BCKDHB: variants seen among roughly 807,000 people sequenced by gnomAD.
BCKDHB encodes 2-oxoisovalerate dehydrogenase subunit beta, mitochondrial.
BCKDHB carries 41 observed loss-of-function variants against 48.5 expected under a neutral mutation model. The observed-to-expected ratio is 0.85, with a 90% CI of 0.66 to 1.10. BCKDHB has a LOEUF of 1.10. Ranked by LOEUF, BCKDHB falls within the 50% of genes least tolerant of loss-of-function variation. The probability of loss-of-function intolerance (pLI) is 0.00; values close to 1 mark genes in which losing one functional copy is unlikely to be tolerated. For synonymous variants in BCKDHB, 201 were observed against 174.8 expected (o/e 1.15, Z -1.18); for missense variants, 496 against 494.2 (o/e 1.00, Z -0.03).
the BCKDHB span, among the ~76,000 whole-genome samples, chr6:80,394,592 G>T: frequency 6.6e-6 from 1 of 152,058 alleles, no homozygotes; most frequent in East Asian, 1.9e-4. Context: ...AGACTGATTG[G>T]GAACTCTGTG....
the BCKDHB span, among the ~76,000 whole-genome samples, chr6:80,415,057 C>T: frequency 6.6e-6 from 1 of 152,020 alleles, no homozygotes; most frequent in East Asian, 1.9e-4. Flanking sequence ...TCTCATTTGG[C>T]TCTCAGTTTG....
chr6:80,185,441 C>G (rs957606423), intron 6 of BCKDHB, among the ~76,000 whole-genome samples: 2 of 151,688 alleles, frequency 1.3e-5, no homozygotes, highest in African/African-American at 4.8e-5. Context: ...TTTTTTTCTT[C>G]GTTTGAATCT....
chr6:80,196,836 G>A (rs1774151708), intron 6 of BCKDHB, among the ~76,000 whole-genome samples: 2 of 126,888 alleles, frequency 1.6e-5, no homozygotes, highest in African/African-American at 4.9e-5. Flanking sequence ...GCATGTACAC[G>A]GAAGTGTATA....
chr6:80,418,413 T>C, the BCKDHB span, among the ~76,000 whole-genome samples: 27 of 152,238 alleles, frequency 1.8e-4, no homozygotes, highest in Non-Finnish European at 1.5e-5. Context: ...CTCACCTTTG[T>C]GGGTTTATCT....
At chr6:80,322,756 T>A (rs1768801440) in intron 9 of BCKDHB, among the ~76,000 whole-genome samples, 1 of 152,184 alleles carries the variant, frequency 6.6e-6, no homozygotes, top group African/African-American at 2.4e-5. Context: ...TAAACATTTA[T>A]GGAGAATCCC....
At chr6:80,419,766 A>C in the BCKDHB span, among the ~76,000 whole-genome samples, 2 of 152,232 alleles carry the variant, frequency 1.3e-5, no homozygotes. Flanking sequence ...ACTGATGGCC[A>C]GGAATGAGTT....
intron 3 of BCKDHB, among the ~76,000 whole-genome samples, chr6:80,147,301 C>CT (rs1247343991): frequency 4.6e-5 from 7 of 152,102 alleles, no homozygotes; most frequent in Non-Finnish European, 7.4e-5. Flanking sequence ...TTTGAAGAAA[C>CT]TGATTGCTAA....
intron 8 of BCKDHB, among the ~76,000 whole-genome samples, chr6:80,246,210 A>G (rs1353626328): frequency 1.3e-5 from 2 of 152,222 alleles, no homozygotes; most frequent in African/African-American, 2.4e-5. Flanking sequence ...GTTAAGCAAT[A>G]AAGAGAAAAT....
At chr6:80,267,099 T>A (rs1414032161) in intron 8 of BCKDHB, among the ~76,000 whole-genome samples, 1 of 152,096 alleles carries the variant, frequency 6.6e-6, no homozygotes, top group East Asian at 1.9e-4. Context: ...ATTTGCTCAA[T>A]GTAATATCTA....
intron 1 of BCKDHB, among the ~76,000 whole-genome samples, chr6:80,117,651 T>C (rs1472390112): frequency 6.6e-6 from 1 of 152,228 alleles, no homozygotes; most frequent in Non-Finnish European, 1.5e-5. Flanking sequence ...AAAGGCATTC[T>C]TAAACCACAA....
At chr6:80,301,251 C>T (rs1010335615) in intron 9 of BCKDHB, among the ~76,000 whole-genome samples, 6 of 151,752 alleles carry the variant, frequency 4.0e-5, no homozygotes, top group South Asian at 2.1e-4. Flanking sequence ...ACCAAGAGGT[C>T]GTTCTTCAAA....
chr6:80,129,373 C>T, intron 3 of BCKDHB, 144 bp downstream of exon 3: 1 of 683,410 alleles, frequency 1.5e-6, no homozygotes, highest in South Asian at 1.8e-5. Flanking sequence ...CCCGCAGAAT[C>T]CTTTGGCCTA....
At chr6:80,405,457 A>T in the BCKDHB span, among the ~76,000 whole-genome samples, 1 of 152,072 alleles carries the variant, frequency 6.6e-6, no homozygotes, top group Non-Finnish European at 1.5e-5. Flanking sequence ...TGGGTTATAT[A>T]TGTTGGATCT....
intron 9 of BCKDHB, among the ~76,000 whole-genome samples, chr6:80,298,968 A>G (rs1223107817): frequency 1.3e-5 from 2 of 152,144 alleles, no homozygotes; most frequent in South Asian, 2.1e-4. Context: ...TCTGTCACCC[A>G]TAGCCGTCAA....
chr6:80,152,171 T>TTG (rs567375830), intron 3 of BCKDHB, among the ~76,000 whole-genome samples: 1 of 149,114 alleles, frequency 6.7e-6, no homozygotes, highest in East Asian at 2.0e-4. Flanking sequence ...TTTTTTTTTT[T>TTG]AATCTGTTTA....
chr6:80,154,424 G>C (rs527478665), intron 3 of BCKDHB, among the ~76,000 whole-genome samples: 1 of 152,078 alleles, frequency 6.6e-6, no homozygotes, highest in East Asian at 1.9e-4. Context: ...AGATTAGGAA[G>C]GTATATTTGA....
At position 80,344,924 on chromosome 6, in the gene BCKDHB, T is replaced by A. The variant is rs969071065; in HGVS notation, c.*1120T>A. 15 of 152,234 alleles carry A rather than the reference T, an allele frequency of 9.9e-5. No homozygotes were observed. Among genetic ancestry groups the A allele is most frequent in the Admixed American group, 9.2e-4 (14 of 15,280 alleles). 9.4% of individuals were successfully genotyped at this position (152,234 alleles called of 1,614,324 possible). ...CATTCTGAAACTTGCCTGTATATTA[T>A]CTGAAAAATGGATTTCTTGAGCAAA... On this transcript the variant is annotated 3_prime_UTR_variant, in exon 10 of 10. Coordinates refer to ENST00000320393, the MANE Select transcript of BCKDHB (RefSeq NM_183050.4).
chr6:80,115,150 T>TG (rs1769620035), intron 1 of BCKDHB, among the ~76,000 whole-genome samples: 2 of 152,154 alleles, frequency 1.3e-5, no homozygotes, highest in Non-Finnish European at 1.5e-5. Context: ...TCATTTTTTT[T>TG]AAGAGAAGGG....
the BCKDHB span, among the ~76,000 whole-genome samples, chr6:80,419,996 T>C: frequency 6.6e-6 from 1 of 152,172 alleles, no homozygotes; most frequent in Non-Finnish European, 1.5e-5. Context: ...ATTTGGTTCT[T>C]TTTTATAGCT....
Sources: allele counts gnomAD v4.1 joint callset (sites outside exome capture counted in the v4.1 genomes callset), GRCh38; gene constraint gnomAD v4.1.1; transcripts MANE v1.5; gene names NCBI Gene and HGNC (gene_info 2026-07-23, HGNC 2026-07-21).